The following ARHGAP15 variants were observed in gnomAD, a reference collection of about 807,000 sequenced individuals.
The protein encoded by ARHGAP15 is Rho GTPase activating protein 15, also known as rho GTPase-activating protein 15.
Under a neutral mutation model 63.7 loss-of-function variants are expected in ARHGAP15, and 51 were observed. The observed-to-expected ratio is 0.80, with a 90% confidence interval of 0.64 to 1.01. ARHGAP15 has a LOEUF of 1.01. Ranked by LOEUF, ARHGAP15 falls within the 50% of genes least tolerant of loss-of-function variation. ARHGAP15 has a pLI of 0.00. For synonymous variants in ARHGAP15, 191 were observed against 193.8 expected, an observed-to-expected ratio of 0.99 and a Z score of 0.12; for missense variants, 560 against 564.6, an observed-to-expected ratio of 0.99 and a Z score of 0.08.
At chr2:143,595,615 T>C (rs747762066) in intron 11 of ARHGAP15, among the ~76,000 whole-genome samples, 25 of 152,082 alleles carry the variant, frequency 1.6e-4, no homozygotes, top group Non-Finnish European at 1.8e-4. Flanking sequence ...TGGAATATAG[T>C]AGATGCCAAA....
At chr2:143,493,652 C>G (rs1351837141) in intron 9 of ARHGAP15, among the ~76,000 whole-genome samples, 1 of 152,086 alleles carries the variant, frequency 6.6e-6, no homozygotes, top group African/African-American at 2.4e-5. Flanking sequence ...CTTTTTTCCC[C>G]CTGAGTATCT....
Position 143,182,484 on chromosome 2 carries a change from G to A in ARHGAP15, c.166-19650G>A, listed in dbSNP as rs140204432. Among the ~76,000 whole-genome samples, 543 of 152,298 alleles carry A rather than the reference G, an allele frequency of 3.6e-3. 5 individuals are homozygous for A. Among genetic ancestry groups the A allele is most frequent in the African/African-American group, 0.013 (521 of 41,552 alleles). ...CCTTCTCCACAAAACATTTCCCTAA[G>A]GGGTGTGCATGTGTGAAAGATGGGT... On this transcript the variant is annotated intron_variant, in intron 2 of 13. Transcript: ENST00000295095.
Position 143,703,485 on chromosome 2 carries a change from A to G in ARHGAP15, c.1205A>G (p.Asn402Ser), listed in dbSNP as rs1229593458. The G allele has an allele frequency of 6.2e-7, 1 of 1,612,884 alleles. No homozygotes were observed. Among genetic ancestry groups the G allele is most frequent in the Non-Finnish European group, 8.5e-7 (1 of 1,179,482 alleles). ...CTTGTACAAAAACTCCCTCCGCCAA[A>G]TCGTGACACCATGAAAGTCCTCTTT... ...KSLVQKLPPP[N>S]RDTMKVLFGH... The change falls in exon 13 of 14, where the codon AAT (asparagine) becomes AGT (serine). Residue 402 changes from asparagine to serine, a missense_variant. By Grantham distance (46) the Asn-to-Ser change is conservative. Transcript: ENST00000295095.
intron 6 of ARHGAP15, among the ~76,000 whole-genome samples, chr2:143,389,292 C>T (rs1272029210): frequency 6.6e-6 from 1 of 152,036 alleles, no homozygotes; most frequent in African/African-American, 2.4e-5. Flanking sequence ...TTATATCCAT[C>T]TCTGTAATAC....
chr2:143,274,715 G>A (rs1681455993), intron 6 of ARHGAP15, among the ~76,000 whole-genome samples: 1 of 152,182 alleles, frequency 6.6e-6, no homozygotes, highest in South Asian at 2.1e-4. Context: ...GTTTTGTAAG[G>A]TGGTCTTGGT....
Position 143,590,957 on chromosome 2 carries a change from CTT to C in ARHGAP15, c.1004-33175_1004-33174del, listed in dbSNP as rs1491381703. Among the ~76,000 whole-genome samples, 76 of 152,034 alleles carry C rather than the reference CTT, an allele frequency of 5.0e-4. 2 individuals carry two copies. In the East Asian group the frequency reaches 8.9e-3, roughly 18 times the overall value. On this transcript the variant is annotated intron_variant, in intron 11 of 13. Transcript: ENST00000295095. ...ATGTATCTTTGCTCTCTCTCTCTCTCTTGATTCAGTACCTATTGCAGATGATA... is the reference window on the plus strand; with the variant it reads ...ATGTATCTTTGCTCTCTCTCTCTCTCGATTCAGTACCTATTGCAGATGATA...
At chr2:143,304,163 A>G (rs1245193948) in intron 6 of ARHGAP15, among the ~76,000 whole-genome samples, 1 of 152,216 alleles carries the variant, frequency 6.6e-6, no homozygotes, top group African/African-American at 2.4e-5. Flanking sequence ...ACGTATGTTT[A>G]TTGTGGCATT....
At chr2:143,399,412 C>G (rs1687906445) in intron 6 of ARHGAP15, among the ~76,000 whole-genome samples, 1 of 151,866 alleles carries the variant, frequency 6.6e-6, no homozygotes, top group East Asian at 1.9e-4. Context: ...TCTAAAAAAG[C>G]TGGAATTTTA....
At chr2:143,336,445 T>G (rs1471136061) in intron 6 of ARHGAP15, among the ~76,000 whole-genome samples, 3 of 152,172 alleles carry the variant, frequency 2.0e-5, no homozygotes, top group Admixed American at 6.5e-5. Flanking sequence ...CTAGCAAAAT[T>G]GACGGAGGGC....
intron 6 of ARHGAP15, among the ~76,000 whole-genome samples, chr2:143,352,782 A>G (rs1381577650): frequency 6.6e-6 from 1 of 152,238 alleles, no homozygotes; most frequent in East Asian, 1.9e-4. Flanking sequence ...CATGAAAGGC[A>G]TAGGCAGATT....
At position 143,154,726 on chromosome 2, in the gene ARHGAP15, T is replaced by C. The variant is rs890625319; in HGVS notation, c.-14-751T>C. On this transcript the variant is annotated intron_variant, in intron 1 of 13. Coordinates refer to ENST00000295095, the MANE Select transcript of ARHGAP15 (RefSeq NM_018460.4). ...AAAGCTCTACCAGTCCACCCTCTGG[T>C]GCTGCCACAGTTTAGTTCTCTTTGT... Among the ~76,000 whole-genome samples, 33 of 151,932 alleles carry C rather than the reference T, an allele frequency of 2.2e-4. 1 individual carries two copies. The highest frequency in any genetic ancestry group is 6.6e-4 in the Admixed American group (10 of 15,242).
rs115635693 is a variant in ARHGAP15 at position 143,562,329 on chromosome 2, A to G, written c.1003+5844A>G. Among the ~76,000 whole-genome samples the G allele has an allele frequency of 8.4e-3, 1,274 of 152,358 alleles. 12 individuals are homozygous for G. The highest frequency in any genetic ancestry group is 0.03 in the African/African-American group (1,233 of 41,594). On this transcript the variant is annotated intron_variant, in intron 11 of 13. Transcript: ENST00000295095. ...TCATCATGAAATAAGCAATTGGATG[A>G]AACAGAAAAAGATCTGAAAAAGGAT...
intron 2 of ARHGAP15, among the ~76,000 whole-genome samples, chr2:143,184,658 G>A (rs12691670): frequency 0.34 from 50,608 of 151,042 alleles, 8,638 homozygotes; most frequent in South Asian, 0.47. Flanking sequence ...AAATAATCCC[G>A]CCTAGCTAAT....
intron 10 of ARHGAP15, among the ~76,000 whole-genome samples, chr2:143,552,578 G>A (rs562062507): frequency 4.6e-5 from 7 of 152,048 alleles, no homozygotes; most frequent in African/African-American, 1.7e-4. Flanking sequence ...TGGGGAGGCA[G>A]GGGAAGACTT....
chr2:143,493,426 G>T (rs981057113), intron 9 of ARHGAP15, among the ~76,000 whole-genome samples: 1 of 152,140 alleles, frequency 6.6e-6, no homozygotes, highest in African/African-American at 2.4e-5. Context: ...TGAATTATGG[G>T]CCACTCCAGT....
At chr2:143,720,264 A>C (rs1164167341) in intron 13 of ARHGAP15, among the ~76,000 whole-genome samples, 1 of 152,196 alleles carries the variant, frequency 6.6e-6, no homozygotes, top group African/African-American at 2.4e-5. Context: ...TAAGAAGTGA[A>C]CAATACTTTA....
intron 11 of ARHGAP15, among the ~76,000 whole-genome samples, chr2:143,595,881 C>A (rs899151894): frequency 5.3e-5 from 8 of 152,110 alleles, no homozygotes; most frequent in African/African-American, 1.9e-4. Context: ...AAAGTATTGT[C>A]TTTTCCAGGG....
intron 6 of ARHGAP15, among the ~76,000 whole-genome samples, chr2:143,434,239 C>T (rs1038998255): frequency 6.6e-6 from 1 of 152,062 alleles, no homozygotes; most frequent in African/African-American, 2.4e-5. Flanking sequence ...TAATTGTATA[C>T]ACTTTAGACA....
chr2:143,690,188 G>T (rs558274543), intron 12 of ARHGAP15, among the ~76,000 whole-genome samples: 1 of 152,272 alleles, frequency 6.6e-6, no homozygotes, highest in Non-Finnish European at 1.5e-5. Flanking sequence ...TTCCAATTAA[G>T]ACCAACATGT....
Sources: gnomAD v4.1 joint callset for allele counts (sites outside exome capture counted in the v4.1 genomes callset) on GRCh38, gnomAD v4.1.1 for gene constraint, MANE v1.5 for transcripts, NCBI Gene and HGNC (gene_info 2026-07-23, HGNC 2026-07-21) for gene names.